Variants in KCNN1 observed in about 807,000 individuals in gnomAD.
KCNN1 encodes potassium calcium-activated channel subfamily N member 1.
KCNN1 carries 20 observed loss-of-function variants against 44.7 expected under a neutral mutation model. The observed-to-expected ratio is 0.45, with a 90% confidence interval of 0.32 to 0.65. KCNN1 has a LOEUF of 0.65. Ranked by LOEUF, KCNN1 falls within the 30% of genes least tolerant of loss-of-function variation. The pLI, the probability that KCNN1 is intolerant of heterozygous loss-of-function variation, is 0.05. For synonymous variants in KCNN1, 324 were observed against 341.7 expected, an observed-to-expected ratio of 0.95 and a Z score of 0.57; for missense variants, 632 against 785.3, an observed-to-expected ratio of 0.80 and a Z score of 2.33.
intron 5 of KCNN1, among the ~76,000 whole-genome samples, chr19:17,986,085 G>T (rs955652660): frequency 2.0e-5 from 3 of 152,162 alleles, no homozygotes; most frequent in Non-Finnish European, 4.4e-5. Context: ...TACAAAAATA[G>T]CCGGGAGTGG....
At chr19:17,952,622 C>T (rs2031441198) in intron 1 of KCNN1, among the ~76,000 whole-genome samples, 1 of 152,166 alleles carries the variant, frequency 6.6e-6, no homozygotes, top group Non-Finnish European at 1.5e-5. Flanking sequence ...ACATGGGGAT[C>T]CTCCACGCCT....
chr19:17,966,142 A>G (rs1395473398), upstream of KCNN1, among the ~76,000 whole-genome samples: 2 of 152,034 alleles, frequency 1.3e-5, no homozygotes, highest in African/African-American at 4.8e-5. Flanking sequence ...TCCCTCAGGA[A>G]TAAACACTCA....
At position 17,958,480 on chromosome 19, in the gene KCNN1, C is replaced by CTTTT. The variant is rs71164331; in HGVS notation, c.-82+3819_-82+3822dup. ...TGCGAGACAACAGGAGACCCTGTCT[C>CTTTT]TTTTTTTTTTTTTTTTTTTTTTTGA... On this transcript the variant is annotated intron_variant, in intron 2 of 10. Coordinates refer to the KCNN1 transcript ENST00000222249. 8.3e-4 allele frequency among the ~76,000 whole-genome samples: 83 copies of CTTTT among 99,554 alleles called. 1 individual carries two copies. The highest frequency in any genetic ancestry group is 1.1e-3 in the Non-Finnish European group (55 of 51,130). The allele number at this position is 99,554 out of a possible 152,430, so 65.3% of individuals were successfully genotyped here. A position where few individuals can be genotyped will look rare whatever the true frequency, so the allele number is the denominator to read the frequency against.
At position 17,993,066 on chromosome 19, in the gene KCNN1, AGT is replaced by A. The variant is rs1410422764; in HGVS notation, c.1307+7_1307+8del. The stretch of plus-strand genomic sequence containing the variant: ...CCGGTCCTGCCAGGGCTCAGAAGTA[AGT>A]GTTCTCCCAGGGGCTTGGTGGGGCT... On this transcript the variant is annotated splice_donor_5th_base_variant and intron_variant, in intron 8 of 9. Coordinates refer to ENST00000684775, the MANE Select transcript of KCNN1 (RefSeq NM_001386974.1). This position sits in a 1 kb window ranked among gnomAD's most constrained non-coding sequence, Gnocchi z 4.5. 6.2e-7 allele frequency: 1 copy of A among 1,613,632 alleles called. No individual in the cohort carries two copies. Among genetic ancestry groups the A allele is most frequent in the African/African-American group, 1.3e-5 (1 of 74,974 alleles).
intron 3 of KCNN1, among the ~76,000 whole-genome samples, chr19:17,980,141 G>A (rs1005474598): frequency 3.4e-5 from 5 of 147,208 alleles, no homozygotes; most frequent in Non-Finnish European, 7.4e-5. Flanking sequence ...TTGGCTCACT[G>A]CAACCTCTGC....
intron 2 of KCNN1, among the ~76,000 whole-genome samples, chr19:17,958,841 G>A (rs534020359): frequency 6.6e-6 from 1 of 150,760 alleles, no homozygotes; most frequent in African/African-American, 2.4e-5. Context: ...GGGACTACAG[G>A]CGCCCGCCAC....
At position 17,985,400 on chromosome 19, in the gene KCNN1, A is replaced by G; in HGVS notation, c.1006A>G (p.Met336Val). 1 of 1,611,864 alleles carries G rather than the reference A, an allele frequency of 6.2e-7. No homozygotes were observed. The highest frequency in any genetic ancestry group is 8.5e-7 in the Non-Finnish European group (1 of 1,178,462). The change falls in exon 5 of 10, where the codon ATG becomes GTG. Residue 336 changes from methionine (M) to valine (V), a missense_variant. Transcript: ENST00000684775. ...ITFLSIGYGD[M>V]VPHTYCGKGV... is the part of the protein sequence containing the mutation. ...CTTCCTCTCCATTGGCTACGGCGAC[A>G]TGGTGCCCCACACCTACTGCGGGAA...
At chr19:17,963,971 T>G (rs1431225442), upstream of KCNN1, among the ~76,000 whole-genome samples, 2 of 152,186 alleles carry the variant, frequency 1.3e-5, no homozygotes, top group Non-Finnish European at 2.9e-5. Context: ...TCTAAAATTC[T>G]CAGTTTTATT....
intron 1 of KCNN1, among the ~76,000 whole-genome samples, chr19:17,953,874 G>A (rs1043738498): frequency 6.6e-6 from 1 of 152,188 alleles, no homozygotes; most frequent in Non-Finnish European, 1.5e-5. Context: ...AGGCTGCAGT[G>A]AGCCATGTTC....
chr19:17,971,042 C>G (rs1056716538), intron 1 of KCNN1, among the ~76,000 whole-genome samples: 9 of 151,986 alleles, frequency 5.9e-5, no homozygotes, highest in African/African-American at 2.2e-4. Context: ...CACCACCACA[C>G]CTGGCTAATT....
chr19:17,983,895 T>C lies in KCNN1; in HGVS notation c.918-1417T>C, dbSNP rs2032507621. 6.6e-6 allele frequency among the ~76,000 whole-genome samples: 1 copy of C among 151,870 alleles called. No homozygotes were observed. The highest frequency in any genetic ancestry group is 1.5e-5 in the Non-Finnish European group (1 of 67,952). On this transcript the variant is annotated intron_variant, in intron 4 of 9. Coordinates refer to ENST00000684775, the MANE Select transcript of KCNN1 (RefSeq NM_001386974.1). The surrounding 1 kb of genome is among the most constrained non-coding windows in gnomAD (Gnocchi z 4.5). ...TCAGTCAGCTGGGCACCGTGGCTCA[T>C]GCCTGTAATCCCAGCACTTTGGGAG...
rs1056462451 is a variant in KCNN1, at chr19:17,981,787, C to G, written c.577C>G (p.Leu193Val). 2.5e-6 allele frequency: 4 copies of G among 1,612,950 alleles called. No individual in the cohort carries two copies. In the African/African-American group the frequency reaches 5.3e-5, roughly 22 times the overall value. The change falls in exon 4 of 10, where the codon CTG (leucine) becomes GTG (valine). Residue 193 changes from leucine (L) to valine (V), a missense_variant. Physicochemically the swap from Leu to Val is conservative, Grantham distance 32. Coordinates refer to ENST00000684775, the MANE Select transcript of KCNN1 (RefSeq NM_001386974.1). ...CERVFLISLE[L>V]AVCAIHPVPG... Reference sequence around the variant, plus strand: ...GCGCGTGTTCCTCATCTCGCTAGAGCTGGCAGTGTGCGCCATTCACCCGGT... The same window carrying G: ...GCGCGTGTTCCTCATCTCGCTAGAGGTGGCAGTGTGCGCCATTCACCCGGT...
At chr19:17,975,975 G>A (rs2032192281) in intron 3 of KCNN1, among the ~76,000 whole-genome samples, 1 of 152,152 alleles carries the variant, frequency 6.6e-6, no homozygotes, top group African/African-American at 2.4e-5. Flanking sequence ...AAAGTGTTGG[G>A]ACTTTACAGG....
At position 17,998,275 on chromosome 19, in the gene KCNN1, G is replaced by A. The variant is rs1299948338; in HGVS notation, c.1501G>A (p.Gly501Ser). The A allele has an allele frequency of 1.9e-6, 3 of 1,556,318 alleles. No homozygotes were observed. The highest frequency in any genetic ancestry group is 2.6e-6 in the Non-Finnish European group (3 of 1,154,880). ...GGGTGCCTCTCTACAGGCCCTGCCT[G>A]GCCTCATCGCCCAAGCCATACGCCC... is the stretch of plus-strand genomic sequence containing the variant. Reference protein sequence around the residue: ...ALGASLQALPGLIAQAIRPPP... With the variant: ...ALGASLQALPSLIAQAIRPPP... The change falls in exon 10 of 10, where the codon GGC (glycine) becomes AGC (serine). Residue 501 changes from glycine (G) to serine (S), a missense_variant. By Grantham distance (56) the Gly-to-Ser change is moderately conservative. Coordinates refer to ENST00000684775, the MANE Select transcript of KCNN1 (RefSeq NM_001386974.1). The surrounding 1 kb of genome is among the most constrained non-coding windows in gnomAD (Gnocchi z 5.4).
In KCNN1 at chr19:17,967,265, G is replaced by A; in HGVS notation, c.-134G>A. ...CTCCCGACTGGGGGTCCGCGGCCGC[G>A]CGGGACCCTCTCCCCTCCAGCCTTG... On this transcript the variant is annotated 5_prime_UTR_variant, in exon 1 of 10. Transcript: ENST00000684775. 6 of 985,196 alleles carry A rather than the reference G, an allele frequency of 6.1e-6. No homozygotes were observed. The highest frequency in any genetic ancestry group is 7.2e-6 in the Non-Finnish European group (6 of 829,708). 61.0% of individuals were successfully genotyped at this position (985,196 alleles called of 1,614,324 possible). A position where few individuals can be genotyped will look rare whatever the true frequency, so the allele number is the denominator to read the frequency against.
intron 1 of KCNN1, among the ~76,000 whole-genome samples, chr19:17,968,513 C>G (rs2031900536): frequency 6.6e-6 from 1 of 152,014 alleles, no homozygotes; most frequent in Admixed American, 6.6e-5. Flanking sequence ...ACCTAGGGCC[C>G]CTTCTCAGTG....
chr19:17,971,149 G>C lies in KCNN1; in HGVS notation c.-81-2659G>C, dbSNP rs1437087742. Among the ~76,000 whole-genome samples the C allele has an allele frequency of 2.0e-5, 3 of 152,238 alleles. No individual in the cohort carries two copies. The East Asian group carries it at 5.8e-4, about 30-fold the overall frequency. On this transcript the variant is annotated intron_variant, in intron 1 of 9. Transcript: ENST00000684775. ...TCTGCCCACCTCAGCCTCCCAAAGT[G>C]CTGGGATTACAGGCGTGAGCCACTG...
intron 6 of KCNN1, among the ~76,000 whole-genome samples, chr19:17,989,353 G>A (rs145425109): frequency 9.2e-5 from 14 of 152,292 alleles, no homozygotes; most frequent in African/African-American, 3.4e-4. Context: ...AGCTACTAGG[G>A]AGAGTGAGGC....
rs754513354 is a variant in KCNN1, at chr19:17,998,202, G to C, written c.1428G>C (p.Glu476Asp). Reference protein sequence around the residue: ...DLVSELHAQHEELEARLATLE... With the variant: ...DLVSELHAQHDELEARLATLE... ...TATCGGAGCTGCACGCTCAGCACGA[G>C]GAGCTGGAGGCCCGCCTGGCCACCC... Residue 476 changes from glutamate to aspartate, a missense_variant, in exon 10 of 10, where the codon GAG becomes GAC. Physicochemically the swap from Glu to Asp is conservative, Grantham distance 45. Transcript: ENST00000684775. The surrounding 1 kb of genome is among the most constrained non-coding windows in gnomAD (Gnocchi z 5.4). 10 of 1,595,242 alleles carry C rather than the reference G, an allele frequency of 6.3e-6. No homozygotes were observed. Among genetic ancestry groups the C allele is most frequent in the Non-Finnish European group, 8.5e-6 (10 of 1,172,160 alleles).
Sources: allele counts gnomAD v4.1 joint callset (sites outside exome capture counted in the v4.1 genomes callset), GRCh38; gene constraint gnomAD v4.1.1; non-coding constraint Gnocchi (gnomAD v3.1); transcripts MANE v1.5; gene names NCBI Gene and HGNC (gene_info 2026-07-23, HGNC 2026-07-21).